The following CRYBG1 variants were observed in gnomAD, a reference collection of about 807,000 sequenced individuals.
The protein encoded by CRYBG1 is crystallin beta-gamma domain containing 1.
CRYBG1 carries 139 observed loss-of-function variants against 189.2 expected under a neutral mutation model. The ratio of observed to expected loss-of-function variants is 0.73; its 90% CI spans 0.64 to 0.85. The LOEUF is 0.85. CRYBG1 is among the 40% of genes least tolerant of loss of function. The probability of loss-of-function intolerance (pLI) is 0.00; values close to 1 mark genes in which losing one functional copy is unlikely to be tolerated. For synonymous variants in CRYBG1, 1,023 were observed against 1,017.1 expected (o/e 1.01, Z -0.11); for missense variants, 2,611 against 2,675.8 (o/e 0.98, Z 0.53).
rs758845513 is a variant in CRYBG1, at chr6:106,558,499, C to G, written c.5729C>G (p.Pro1910Arg). The change falls in exon 18 of 22, where the codon CCA becomes CGA. Residue 1910 changes from proline (P) to arginine (R), a missense_variant. Physicochemically the swap from Pro to Arg is moderately radical, Grantham distance 103. Transcript: ENST00000633556. ...LRFIDVEFSE[P>R]TIILFEREDF... ...GTTCCTCAACAGGAATTTTCTGAACCAACAATTATTCTCTTTGAAAGAGAA... is the reference window on the plus strand; with the variant it reads ...GTTCCTCAACAGGAATTTTCTGAACGAACAATTATTCTCTTTGAAAGAGAA... The G allele has an allele frequency of 1.4e-5, 23 of 1,593,340 alleles. No individual in the cohort carries two copies. The highest frequency in any genetic ancestry group is 1.7e-5 in the Non-Finnish European group (20 of 1,168,492).
chr6:106,478,455 G>A (rs758040554), intron 2 of CRYBG1, among the ~76,000 whole-genome samples: 1 of 152,180 alleles, frequency 6.6e-6, no homozygotes, highest in Non-Finnish European at 1.5e-5. Flanking sequence ...CTGAAGGTTT[G>A]GGTTGTTCCT....
intron 14 of CRYBG1, 58 bp downstream of exon 14, chr6:106,552,036 T>C: frequency 6.6e-7 from 1 of 1,507,166 alleles, no homozygotes; most frequent in Non-Finnish European, 9.1e-7. Flanking sequence ...TTCCTTAATG[T>C]GTGTTCCTGG....
intron 1 of CRYBG1, among the ~76,000 whole-genome samples, chr6:106,407,395 A>T (rs1393557150): frequency 9.2e-6 from 1 of 108,760 alleles, no homozygotes; most frequent in Non-Finnish European, 2.1e-5. Context: ...GCAAGTTCTT[A>T]GACACCTACA....
chr6:106,424,360 C>A (rs181186158), intron 1 of CRYBG1, among the ~76,000 whole-genome samples: 1 of 152,086 alleles, frequency 6.6e-6, no homozygotes, highest in Non-Finnish European at 1.5e-5. Flanking sequence ...TACACAAGAC[C>A]ATTTTACTTA....
chr6:106,390,955 G>A (rs1223917640), intron 1 of CRYBG1, among the ~76,000 whole-genome samples: 1 of 152,100 alleles, frequency 6.6e-6, no homozygotes, highest in Non-Finnish European at 1.5e-5. Context: ...TGAATTGCTG[G>A]GACATGGGGC....
At chr6:106,558,281 A>G (rs1248539174) in intron 17 of CRYBG1, among the ~76,000 whole-genome samples, 1 of 150,786 alleles carries the variant, frequency 6.6e-6, no homozygotes, top group African/African-American at 2.4e-5. Flanking sequence ...CTGCCTTCCT[A>G]TGCAATGGAG....
chr6:106,454,468 G>T (rs981912629), intron 2 of CRYBG1, among the ~76,000 whole-genome samples: 1 of 152,192 alleles, frequency 6.6e-6, no homozygotes, highest in Non-Finnish European at 1.5e-5. Flanking sequence ...GTTCTAGGGT[G>T]CCAGGGGCAC....
At chr6:106,395,215 T>G (rs904354256) in intron 1 of CRYBG1, among the ~76,000 whole-genome samples, 1 of 151,716 alleles carries the variant, frequency 6.6e-6, no homozygotes, top group Admixed American at 6.6e-5. Context: ...GGCAACATGG[T>G]AAAACTCCTT....
At chr6:106,528,617 T>C (rs1275577620) in intron 7 of CRYBG1, among the ~76,000 whole-genome samples, 2 of 152,164 alleles carry the variant, frequency 1.3e-5, no homozygotes, top group African/African-American at 4.8e-5. Context: ...GTAACATCTT[T>C]GTGATTGGCA....
At chr6:106,399,549 G>T (rs1770682243) in intron 1 of CRYBG1, among the ~76,000 whole-genome samples, 1 of 152,138 alleles carries the variant, frequency 6.6e-6, no homozygotes, top group Non-Finnish European at 1.5e-5. Context: ...AGGCCATATG[G>T]ACCTAGTGAA....
chr6:106,493,578 G>A (rs1772773340), intron 2 of CRYBG1, among the ~76,000 whole-genome samples: 1 of 152,114 alleles, frequency 6.6e-6, no homozygotes, highest in Admixed American at 6.5e-5. Context: ...GTCAAGAGAA[G>A]GAAAGAAACC....
intron 1 of CRYBG1, among the ~76,000 whole-genome samples, chr6:106,390,465 C>T (rs1321851807): frequency 2.0e-5 from 3 of 151,562 alleles, no homozygotes; most frequent in Admixed American, 1.3e-4. Context: ...TTACATAGAG[C>T]AAAATATAAA....
At chr6:106,523,731 CTTT>C (rs748406134) in intron 4 of CRYBG1, among the ~76,000 whole-genome samples, 8 of 137,376 alleles carry the variant, frequency 5.8e-5, no homozygotes, top group African/African-American at 8.1e-5. Flanking sequence ...CCCTTATGGC[CTTT>C]TTTTTTTTTT....
intron 1 of CRYBG1, among the ~76,000 whole-genome samples, chr6:106,401,459 G>T (rs1770718526): frequency 7.3e-6 from 1 of 136,654 alleles, no homozygotes; most frequent in Non-Finnish European, 1.5e-5. Flanking sequence ...ACATTGTGCA[G>T]GTTAGTTACA....
At position 106,511,507 on chromosome 6, in the gene CRYBG1, G is replaced by A. The variant is rs749738524; in HGVS notation, c.390G>A (p.Arg130=). 5.9e-6 allele frequency: 9 copies of A among 1,535,678 alleles called. No individual in the cohort carries two copies. In the Middle Eastern group the frequency reaches 5.0e-4, roughly 86 times the overall value. ...TTGGCACTCTATTCACTGCAGGAAG[G>A]AGAAGAAACAGTAGAAACGGGTTAG... is the stretch of plus-strand genomic sequence containing the variant. ...GKLGTLFTAG[R]RRNSRNGLES... is the part of the protein sequence containing the mutation. Residue 130 remains arginine, a synonymous_variant, in exon 3 of 22, where the codon AGG becomes AGA. Coordinates refer to ENST00000633556, the MANE Select transcript of CRYBG1 (RefSeq NM_001371242.2).
At chr6:106,519,070 T>G (rs1773516043) in intron 3 of CRYBG1, 61 bp from the exon 4 acceptor site, 1 of 1,513,222 alleles carries the variant, frequency 6.6e-7, no homozygotes, top group African/African-American at 1.4e-5. Context: ...AATTAATTGG[T>G]TTGTGTGTTC....
chr6:106,415,417 C>G (rs1177810022), intron 1 of CRYBG1, among the ~76,000 whole-genome samples: 1 of 152,142 alleles, frequency 6.6e-6, no homozygotes, highest in African/African-American at 2.4e-5. Flanking sequence ...AACAAAAGTC[C>G]TTCTGCTTAG....
chr6:106,469,563 T>C (rs867735809), intron 2 of CRYBG1, among the ~76,000 whole-genome samples: 1 of 152,208 alleles, frequency 6.6e-6, no homozygotes, highest in African/African-American at 2.4e-5. Flanking sequence ...ACTTAATACT[T>C]AGTAGGTATT....
At chr6:106,407,798 A>G (rs1382433174) in intron 1 of CRYBG1, among the ~76,000 whole-genome samples, 1 of 152,224 alleles carries the variant, frequency 6.6e-6, no homozygotes, top group Non-Finnish European at 1.5e-5. Context: ...AAATTAAGGC[A>G]GAAATAAATA....
Sources: gnomAD v4.1 joint callset for allele counts (sites outside exome capture counted in the v4.1 genomes callset) on GRCh38, gnomAD v4.1.1 for gene constraint, MANE v1.5 for transcripts, NCBI Gene and HGNC (gene_info 2026-07-23, HGNC 2026-07-21) for gene names.